NUBP2: variants seen among roughly 807,000 people sequenced by gnomAD.
The protein encoded by NUBP2 is cytosolic Fe-S cluster assembly factor NUBP2.
NUBP2 carries 23 observed loss-of-function variants against 24.9 expected under a neutral mutation model. The ratio of observed to expected loss-of-function variants is 0.92; its 90% CI spans 0.66 to 1.31. NUBP2 has a LOEUF of 1.31. Ranked by LOEUF, NUBP2 falls within the 50% of genes most tolerant of loss-of-function variation. The probability of loss-of-function intolerance (pLI) is 0.00; values close to 1 mark genes in which losing one functional copy is unlikely to be tolerated. For missense variants in NUBP2, 403 were observed against 386.5 expected, an observed-to-expected ratio of 1.04 and a Z score of -0.36; for synonymous variants, 186 against 170.9, an observed-to-expected ratio of 1.09 and a Z score of -0.69.
Position 1,788,807 on chromosome 16 carries a change from T to TGCAGGG in NUBP2, c.*99_*104dup. ...AGGCCTGGGCTCGGTTCCCGGGCCC[T>TGCAGGG]GCAGGGGCAGGCCCAGGCAGCGTCA... On this transcript the variant is annotated 3_prime_UTR_variant, in exon 7 of 7. Transcript: ENST00000262302. 1 of 1,428,784 alleles carries TGCAGGG rather than the reference T, an allele frequency of 7.0e-7. No homozygotes were observed. The highest frequency in any genetic ancestry group is 9.3e-7 in the Non-Finnish European group (1 of 1,077,992). The allele number at this position is 1,428,784 out of a possible 1,614,324, so 88.5% of individuals were successfully genotyped here.
chr16:1,785,475 G>T, intron 1 of NUBP2: 2 of 1,188,830 alleles, frequency 1.7e-6, no homozygotes, highest in South Asian at 3.1e-5. Flanking sequence ...ATGGCAGTCA[G>T]GACCCAGGCC....
chr16:1,785,620 C>A (rs908654853), intron 1 of NUBP2: 1 of 1,285,350 alleles, frequency 7.8e-7, no homozygotes, highest in African/African-American at 1.5e-5. Context: ...GCCGTGGTCT[C>A]GGGGCTTTGT....
At chr16:1,785,126 A>G (rs1896901923) in intron 1 of NUBP2, 1 of 988,572 alleles carries the variant, frequency 1.0e-6, no homozygotes, top group Non-Finnish European at 1.2e-6. Flanking sequence ...CTAACCCATA[A>G]AGCTGACCGG....
chr16:1,788,074 G>A (rs1832082438), intron 5 of NUBP2, 23 bp downstream of exon 5: 1 of 1,568,028 alleles, frequency 6.4e-7, no homozygotes, highest in African/African-American at 1.4e-5. Context: ...GGTTGCAGAG[G>A]GGGCGAGGCA....
intron 3 of NUBP2, 72 bp downstream of exon 3, chr16:1,787,027 A>G (rs1427807524): frequency 2.2e-6 from 3 of 1,370,798 alleles, no homozygotes; most frequent in Non-Finnish European, 2.9e-6. Context: ...TCCTGTGGAA[A>G]TGTTCCTCTT....
intron 1 of NUBP2, chr16:1,785,594 C>G: frequency 1.6e-6 from 2 of 1,277,258 alleles, no homozygotes; most frequent in Non-Finnish European, 2.0e-6. Context: ...TTTATTGCCC[C>G]AGGGGTGACC....
intron 1 of NUBP2, chr16:1,786,295 C>T (rs34768963): frequency 3.7e-6 from 2 of 541,804 alleles, no homozygotes; most frequent in Non-Finnish European, 6.6e-6. Context: ...CTCTCAGCAG[C>T]GCCGCCTCAG....
In NUBP2 at chr16:1,788,772, A is replaced by T; in HGVS notation, c.*58A>T. 3.9e-6 allele frequency: 6 copies of T among 1,545,582 alleles called. No homozygotes were observed. The highest frequency in any genetic ancestry group is 5.2e-6 in the Non-Finnish European group (6 of 1,145,400). ...ACCAAGGGCTCTGCTCCAGCCTCTC[A>T]GAGAAACAGAGGCCTGGGCTCGGTT... is the stretch of plus-strand genomic sequence containing the variant. On this transcript the variant is annotated 3_prime_UTR_variant, in exon 7 of 7. Coordinates refer to ENST00000262302, the MANE Select transcript of NUBP2 (RefSeq NM_012225.4).
chr16:1,786,738 G>T lies in NUBP2; in HGVS notation c.136-19G>T. On this transcript the variant is annotated intron_variant, in intron 2 of 6. Coordinates refer to ENST00000262302, the MANE Select transcript of NUBP2 (RefSeq NM_012225.4). ...AGGCCTGGCGGTGCCCCCGGCCTAG[G>T]CTGTGCCGCTCCTTGCAGGTGGGAA... 1.2e-6 allele frequency: 2 copies of T among 1,611,436 alleles called. No homozygotes were observed. The highest frequency in any genetic ancestry group is 1.7e-6 in the Non-Finnish European group (2 of 1,179,164).
intron 1 of NUBP2, chr16:1,785,776 G>A: frequency 7.8e-7 from 1 of 1,289,138 alleles, no homozygotes; most frequent in Non-Finnish European, 1.0e-6. Flanking sequence ...GCCCTTGAGA[G>A]GCGGATCAGA....
chr16:1,784,687 T>G (rs1260557416), intron 1 of NUBP2: 1 of 147,772 alleles, frequency 6.8e-6, no homozygotes, highest in East Asian at 2.2e-4. Flanking sequence ...ATTACAGGCG[T>G]GAGACACCGC....
chr16:1,787,952 G>A lies in NUBP2; in HGVS notation c.501G>A (p.Val167=), dbSNP rs137966455. The part of the protein sequence containing the change: ...LVVTTPQAVS[V]GDVRRELTFC... ...CTCCTGCCCCGCAGGCGGTGTCCGT[G>A]GGGGACGTGAGGCGCGAGCTGACCT... The change falls in exon 5 of 7, where the codon GTG becomes GTA. Residue 167 remains valine (V), a synonymous_variant. Transcript: ENST00000262302. 56 of 1,605,202 alleles carry A rather than the reference G, an allele frequency of 3.5e-5. No homozygotes were observed. In the African/African-American group the frequency reaches 5.6e-4, roughly 16 times the overall value.
chr16:1,785,323 T>G, intron 1 of NUBP2: 3 of 1,084,792 alleles, frequency 2.8e-6, no homozygotes, highest in Non-Finnish European at 3.4e-6. Flanking sequence ...CTCAGGGTTG[T>G]TGTCCCGGTT....
rs1896908822 is a variant in NUBP2, at chr16:1,785,288, G to A, written c.17-1249G>A. 7 of 1,043,658 alleles carry A rather than the reference G, an allele frequency of 6.7e-6. No homozygotes were observed. In the South Asian group the frequency reaches 1.9e-4, roughly 28 times the overall value. 64.6% of individuals were successfully genotyped at this position (1,043,658 alleles called of 1,614,324 possible). On this transcript the variant is annotated intron_variant, in intron 1 of 6. Coordinates refer to ENST00000262302, the MANE Select transcript of NUBP2 (RefSeq NM_012225.4). ...CTTAGGAGCTGCCTCAGTTTGCTGA[G>A]AAGTGAAATGTTCTTGGGGGAACCC...
rs766117614 is a variant in NUBP2, at chr16:1,786,788, C to G, written c.167C>G (p.Pro56Arg). The stretch of plus-strand genomic sequence containing the variant: ...ATCCTGGATGTGGACCTGTGTGGCC[C>G]CAGTATCCCCCGCATGCTCGGGGCG... ...VGILDVDLCG[P>R]SIPRMLGAQG... is the part of the protein sequence containing the mutation. The change falls in exon 3 of 7, where the codon CCC (proline) becomes CGC (arginine). Residue 56 changes from proline to arginine, a missense_variant. Pro to Arg is a moderately radical substitution (Grantham distance 103). Coordinates refer to ENST00000262302, the MANE Select transcript of NUBP2 (RefSeq NM_012225.4). 6 of 1,610,932 alleles carry G rather than the reference C, an allele frequency of 3.7e-6. No individual in the cohort carries two copies. In the Admixed American group the frequency reaches 1.0e-4, roughly 27 times the overall value.
At position 1,787,639 on chromosome 16, in the gene NUBP2, GCCCT is replaced by G. The variant is rs1191803471; in HGVS notation, c.335-37_335-34del. On this transcript the variant is annotated intron_variant, in intron 3 of 6. Coordinates refer to ENST00000262302, the MANE Select transcript of NUBP2 (RefSeq NM_012225.4). ...GGCGCAGGGCCACGTGTGCAGACCT[GCCCT>G]GCCCTGACCGCCCCGTCTGCCCCGT... The G allele has an allele frequency of 4.4e-6, 7 of 1,606,558 alleles. No individual in the cohort carries two copies. The South Asian group carries it at 7.7e-5, about 18-fold the overall frequency.
chr16:1,785,952 CGTGTGGCAGGG>C, intron 1 of NUBP2: 1 of 1,246,852 alleles, frequency 8.0e-7, no homozygotes, highest in South Asian at 1.3e-5. Flanking sequence ...CAGCCCCTGC[CGTGTGGCAGGG>C]ACAGGATGGG....
intron 1 of NUBP2, chr16:1,783,915 G>T (rs931514087): frequency 6.3e-6 from 3 of 473,824 alleles, no homozygotes; most frequent in Non-Finnish European, 8.3e-6. Flanking sequence ...GGATGGTCTC[G>T]ATCTCCTGAC....
rs752791500 is a variant in NUBP2, at chr16:1,787,824, C to T, written c.482C>T (p.Thr161Met). ...CCCCTGGGGGCCCTCGTGGTCACCA[C>T]GCCCCAGGTAGCGCTGCGGCACCTT... Reference protein sequence around the residue: ...YQPLGALVVTTPQAVSVGDVR... With the variant: ...YQPLGALVVTMPQAVSVGDVR... The change falls in exon 4 of 7, where the codon ACG becomes ATG. Residue 161 changes from threonine to methionine, a missense_variant. Transcript: ENST00000262302. 3.1e-5 allele frequency: 50 copies of T among 1,610,536 alleles called. No individual in the cohort carries two copies. The South Asian group carries it at 3.4e-4, about 11-fold the overall frequency.
Sources: allele counts gnomAD v4.1 joint callset, GRCh38; gene constraint gnomAD v4.1.1; transcripts MANE v1.5; gene names NCBI Gene and HGNC (gene_info 2026-07-23, HGNC 2026-07-21).